The following PDZD2 variants were observed in gnomAD, a reference collection of about 807,000 sequenced individuals.
The protein encoded by PDZD2 is PDZ domain containing 2, also known as PDZ domain-containing protein 2.
A neutral mutation model predicts 220.7 loss-of-function variants in PDZD2; 90 were observed. The observed-to-expected ratio is 0.41, with a 90% CI of 0.34 to 0.49. The LOEUF is 0.49. Ranked by LOEUF, PDZD2 falls within the 20% of genes least tolerant of loss-of-function variation. The pLI is 0.28. For missense variants in PDZD2, 3,174 were observed against 3,608.5 expected (o/e 0.88, Z 3.08); for synonymous variants, 1,375 against 1,450.5 (o/e 0.95, Z 1.18).
At chr5:31,905,921 C>T (rs868404042) in intron 2 of PDZD2, among the ~76,000 whole-genome samples, 5 of 151,960 alleles carry the variant, frequency 3.3e-5, no homozygotes, top group African/African-American at 1.2e-4. Flanking sequence ...AGCTCCCCTC[C>T]CCCATTCTTG....
At chr5:31,958,934 CGATT>C (rs922509427) in intron 2 of PDZD2, among the ~76,000 whole-genome samples, 2 of 147,022 alleles carry the variant, frequency 1.4e-5, no homozygotes, top group Admixed American at 6.8e-5. Flanking sequence ...TTAAAGCACT[CGATT>C]GATTGATTGA....
chr5:31,881,189 C>G (rs896331323), intron 2 of PDZD2, among the ~76,000 whole-genome samples: 1 of 151,962 alleles, frequency 6.6e-6, no homozygotes, highest in Admixed American at 6.6e-5. Flanking sequence ...ATCTTTTTCT[C>G]TGTGGTCTAG....
chr5:32,069,068 C>G (rs1740495900), intron 14 of PDZD2, among the ~76,000 whole-genome samples: 1 of 152,040 alleles, frequency 6.6e-6, no homozygotes, highest in Admixed American at 6.6e-5. Context: ...GAGTTCAAGA[C>G]CAGCCTGACC....
At chr5:31,659,522 C>A (rs1745682759) in intron 1 of PDZD2, among the ~76,000 whole-genome samples, 2 of 152,084 alleles carry the variant, frequency 1.3e-5, no homozygotes, top group Non-Finnish European at 2.9e-5. Context: ...GTCAGTGTCA[C>A]CCCCACTCAA....
At chr5:31,850,634 C>CTTTTTTT (rs1202109766) in intron 2 of PDZD2, among the ~76,000 whole-genome samples, 2 of 118,326 alleles carry the variant, frequency 1.7e-5, no homozygotes, top group African/African-American at 3.2e-5. Flanking sequence ...TACCCAAATT[C>CTTTTTTT]TTTTTTTTTT....
chr5:31,943,585 G>A (rs1746390993), intron 2 of PDZD2, among the ~76,000 whole-genome samples: 1 of 152,148 alleles, frequency 6.6e-6, no homozygotes, highest in East Asian at 1.9e-4. Context: ...CCAACCTAGA[G>A]GGTTTAATCC....
intron 2 of PDZD2, among the ~76,000 whole-genome samples, chr5:31,943,592 A>G (rs1302860481): frequency 6.6e-6 from 1 of 152,254 alleles, no homozygotes; most frequent in Non-Finnish European, 1.5e-5. Context: ...AGAGGGTTTA[A>G]TCCAAAGGAC....
chr5:31,922,972 C>T (rs1295007889), intron 2 of PDZD2, among the ~76,000 whole-genome samples: 3 of 151,354 alleles, frequency 2.0e-5, no homozygotes, highest in African/African-American at 4.9e-5. Flanking sequence ...TGAGCCACCA[C>T]GCCCAGCTCT....
At chr5:31,672,739 AT>A (rs1472190580) in intron 1 of PDZD2, among the ~76,000 whole-genome samples, 1 of 152,170 alleles carries the variant, frequency 6.6e-6, no homozygotes, top group East Asian at 1.9e-4. Flanking sequence ...CCAACCTGAA[AT>A]TCTAGGAGGT....
intron 2 of PDZD2, among the ~76,000 whole-genome samples, chr5:31,801,703 C>A (rs983061): frequency 0.19 from 28,929 of 151,970 alleles, 3,982 homozygotes; most frequent in East Asian, 0.53. Flanking sequence ...GCCTCAGATG[C>A]CCCATGTGTG....
At chr5:31,889,877 C>T (rs6450872) in intron 2 of PDZD2, among the ~76,000 whole-genome samples, 91,643 of 151,674 alleles carry the variant, frequency 0.6, 27,701 homozygotes, top group South Asian at 0.68. Context: ...AAAAATTAGC[C>T]GGGTGTGGTA....
chr5:31,858,660 G>T (rs1252446356), intron 2 of PDZD2, among the ~76,000 whole-genome samples: 3 of 152,124 alleles, frequency 2.0e-5, no homozygotes, highest in Non-Finnish European at 2.9e-5. Context: ...GGCCTTTTGA[G>T]ATGTCTTTTC....
chr5:31,990,129 A>G (rs918241786), intron 3 of PDZD2, among the ~76,000 whole-genome samples: 1 of 152,244 alleles, frequency 6.6e-6, no homozygotes, highest in Non-Finnish European at 1.5e-5. Flanking sequence ...CTAGCGCCGG[A>G]GTATTTACGG....
intron 2 of PDZD2, among the ~76,000 whole-genome samples, chr5:31,864,888 G>A (rs925627283): frequency 8.3e-6 from 1 of 121,198 alleles, no homozygotes; most frequent in Non-Finnish European, 1.6e-5. Flanking sequence ...TCGCTCTGTC[G>A]CCCAGGCTAG....
At chr5:31,700,353 A>C (rs902867655) in intron 1 of PDZD2, among the ~76,000 whole-genome samples, 5 of 152,118 alleles carry the variant, frequency 3.3e-5, no homozygotes, top group Non-Finnish European at 7.4e-5. Flanking sequence ...GCTGGCCAGC[A>C]GTTGGTGGAG....
chr5:31,870,631 T>C (rs547492895), intron 2 of PDZD2, among the ~76,000 whole-genome samples: 1 of 152,308 alleles, frequency 6.6e-6, no homozygotes, highest in African/African-American at 2.4e-5. Context: ...CTCACGCGTA[T>C]AATCCCAGCA....
chr5:31,707,848 G>A (rs1444912035), intron 1 of PDZD2, among the ~76,000 whole-genome samples: 3 of 151,986 alleles, frequency 2.0e-5, no homozygotes, highest in Non-Finnish European at 4.4e-5. Flanking sequence ...GGCTGGTCTC[G>A]AACTCCTGGC....
intron 23 of PDZD2, chr5:32,100,766 C>T (rs1002238514): frequency 1.6e-6 from 1 of 635,444 alleles, no homozygotes; most frequent in South Asian, 1.5e-5. Flanking sequence ...TCAGTCCTCA[C>T]TGAGAAGTGC....
At chr5:32,023,058 A>G (rs1050211701) in intron 6 of PDZD2, among the ~76,000 whole-genome samples, 5 of 152,116 alleles carry the variant, frequency 3.3e-5, no homozygotes, top group African/African-American at 1.2e-4. Flanking sequence ...GTGACAGGCA[A>G]TGGGAGGTCA....
Sources: gnomAD v4.1 joint callset for allele counts (sites outside exome capture counted in the v4.1 genomes callset) on GRCh38, gnomAD v4.1.1 for gene constraint, MANE v1.5 for transcripts, NCBI Gene and HGNC (gene_info 2026-07-23, HGNC 2026-07-21) for gene names.